SASH1: variants seen among roughly 807,000 people sequenced by gnomAD.
The protein encoded by SASH1 is SAM and SH3 domain containing 1.
Under a neutral mutation model 125.2 loss-of-function variants are expected in SASH1, and 44 were observed. That is an observed-to-expected ratio of 0.35 (90% CI 0.28 to 0.45). The LOEUF (loss-of-function observed/expected upper bound fraction) is 0.45. SASH1 is among the 20% of genes least tolerant of loss of function. The probability of loss-of-function intolerance (pLI) is 1.00; values close to 1 mark genes in which losing one functional copy is unlikely to be tolerated. For missense variants in SASH1, 1,426 were observed against 1,614.5 expected, an observed-to-expected ratio of 0.88 and a Z score of 2.00; for synonymous variants, 639 against 649.1, an observed-to-expected ratio of 0.98 and a Z score of 0.24.
At chr6:148,401,509 A>G (rs2114869920) in intron 2 of SASH1, among the ~76,000 whole-genome samples, 1 of 152,222 alleles carries the variant, frequency 6.6e-6, no homozygotes, top group East Asian at 1.9e-4. Context: ...CCAACTCTAG[A>G]ATGGTATTAA....
At chr6:148,290,466 C>T (rs946650196) in intron 1 of SASH1, among the ~76,000 whole-genome samples, 3 of 151,754 alleles carry the variant, frequency 2.0e-5, no homozygotes, top group South Asian at 2.1e-4. Flanking sequence ...ATTAGCCGGG[C>T]GTGGTGGCAG....
At chr6:148,298,276 G>A (rs1779815550) in intron 1 of SASH1, among the ~76,000 whole-genome samples, 1 of 152,040 alleles carries the variant, frequency 6.6e-6, no homozygotes, top group Non-Finnish European at 1.5e-5. Context: ...GCCTCCCAAA[G>A]TTCTGGGATT....
At chr6:148,258,667 G>C in the SASH1 span, among the ~76,000 whole-genome samples, 1 of 152,196 alleles carries the variant, frequency 6.6e-6, no homozygotes, top group South Asian at 2.1e-4. Context: ...GAATGGGTGG[G>C]CTTCTTTCCC....
chr6:148,356,081 T>C (rs1287002742), intron 1 of SASH1, among the ~76,000 whole-genome samples: 15 of 151,258 alleles, frequency 9.9e-5, no homozygotes, highest in South Asian at 2.1e-4. Context: ...TTTTTTTTTT[T>C]TTTTCTTTTC....
intron 1 of SASH1, among the ~76,000 whole-genome samples, chr6:148,362,849 A>G (rs532865412): frequency 4.6e-4 from 70 of 152,300 alleles, no homozygotes; most frequent in African/African-American, 1.5e-3. Flanking sequence ...CCTTGCCTCA[A>G]AAATACATAC....
At chr6:148,455,361 C>T (rs149420697) in intron 4 of SASH1, among the ~76,000 whole-genome samples, 2 of 152,178 alleles carry the variant, frequency 1.3e-5, no homozygotes, top group Non-Finnish European at 2.9e-5. Flanking sequence ...ATCGTAAGCA[C>T]AGGTCGAGTT....
At chr6:148,494,447 C>A (rs1008753575) in intron 8 of SASH1, among the ~76,000 whole-genome samples, 1 of 152,098 alleles carries the variant, frequency 6.6e-6, no homozygotes, top group African/African-American at 2.4e-5. Flanking sequence ...AGCAAGTCAT[C>A]GTTTCATAAC....
chr6:148,464,790 T>C (rs1392171024), intron 4 of SASH1, among the ~76,000 whole-genome samples: 1 of 152,168 alleles, frequency 6.6e-6, no homozygotes, highest in East Asian at 1.9e-4. Context: ...CAAAGGATTG[T>C]AAATTTGATG....
At chr6:148,274,554 G>A (rs1779138420) in intron 1 of SASH1, among the ~76,000 whole-genome samples, 2 of 152,164 alleles carry the variant, frequency 1.3e-5, no homozygotes, top group Non-Finnish European at 2.9e-5. Flanking sequence ...TGCTGAGGAT[G>A]CAAAAAGATG....
intron 1 of SASH1, among the ~76,000 whole-genome samples, chr6:148,333,346 A>G (rs1781048790): frequency 6.6e-6 from 1 of 151,922 alleles, no homozygotes; most frequent in South Asian, 2.1e-4. Flanking sequence ...CCAGGTGTTC[A>G]AGCCACTGCA....
rs538779460 is a variant in SASH1 at position 148,368,197 on chromosome 6, A to C, written c.157-21937A>C. ...TTAAGCTTGTTGTGTGCCCAACTGC[A>C]GTGAGCCCGTACTTCTGTGGTGGTG... On this transcript the variant is annotated intron_variant, in intron 1 of 19. Coordinates refer to ENST00000367467, the MANE Select transcript of SASH1 (RefSeq NM_015278.5). 3.3e-5 allele frequency among the ~76,000 whole-genome samples: 5 copies of C among 152,330 alleles called. No homozygotes were observed. In the South Asian group the frequency reaches 8.3e-4, roughly 25 times the overall value.
the SASH1 span, among the ~76,000 whole-genome samples, chr6:148,252,395 C>T: frequency 6.6e-6 from 1 of 151,882 alleles, no homozygotes; most frequent in Non-Finnish European, 1.5e-5. Context: ...TTTAATAATT[C>T]AAAAACAACA....
chr6:148,203,453 T>A, the SASH1 span, among the ~76,000 whole-genome samples: 1 of 152,330 alleles, frequency 6.6e-6, no homozygotes, highest in East Asian at 1.9e-4. Context: ...AAAGGAAAAC[T>A]TGGGGAACGC....
At chr6:148,504,463 C>T (rs567829597) in intron 8 of SASH1, among the ~76,000 whole-genome samples, 79 of 152,284 alleles carry the variant, frequency 5.2e-4, no homozygotes, top group African/African-American at 1.8e-3. Context: ...ACTGAAGTCC[C>T]TTCTCAGCAA....
intron 4 of SASH1, among the ~76,000 whole-genome samples, chr6:148,450,206 G>A (rs1051676919): frequency 6.6e-5 from 10 of 152,186 alleles, no homozygotes; most frequent in South Asian, 4.2e-4. Flanking sequence ...TTTATCTCCC[G>A]AAAATACACT....
At chr6:148,434,466 C>T (rs1776210059) in intron 2 of SASH1, among the ~76,000 whole-genome samples, 1 of 152,176 alleles carries the variant, frequency 6.6e-6, no homozygotes, top group Non-Finnish European at 1.5e-5. Flanking sequence ...GATATACTCT[C>T]AGCGTTTTTT....
the SASH1 span, among the ~76,000 whole-genome samples, chr6:148,236,856 A>C: frequency 4.6e-5 from 7 of 152,202 alleles, no homozygotes; most frequent in Non-Finnish European, 7.3e-5. Context: ...GTGGGGCCTC[A>C]TGGGAGGTGT....
chr6:148,423,739 C>G (rs886320851), intron 2 of SASH1, among the ~76,000 whole-genome samples: 2 of 152,120 alleles, frequency 1.3e-5, no homozygotes, highest in African/African-American at 4.8e-5. Flanking sequence ...GTACCCAGCA[C>G]GTCAACTGAG....
intron 12 of SASH1, among the ~76,000 whole-genome samples, chr6:148,528,936 G>T (rs1450444848): frequency 6.6e-6 from 1 of 152,026 alleles, no homozygotes; most frequent in African/African-American, 2.4e-5. Flanking sequence ...CCCATCTGGG[G>T]ATGATGGGAG....
Sources: allele counts gnomAD v4.1 joint callset (sites outside exome capture counted in the v4.1 genomes callset), GRCh38; gene constraint gnomAD v4.1.1; transcripts MANE v1.5; gene names NCBI Gene and HGNC (gene_info 2026-07-23, HGNC 2026-07-21).